The following PPP1R12A variants were observed in gnomAD, a reference collection of about 807,000 sequenced individuals.
PPP1R12A encodes the protein myosin binding subunit.
In PPP1R12A, 19 loss-of-function variants were observed where a neutral mutation model predicts 139.6. The ratio of observed to expected loss-of-function variants is 0.14; its 90% CI spans 0.09 to 0.20. The LOEUF (loss-of-function observed/expected upper bound fraction) is 0.20, where lower values mean the gene tolerates loss of function less well. Ranked by LOEUF, PPP1R12A falls within the 10% of genes least tolerant of loss-of-function variation. PPP1R12A has a pLI of 1.00. For synonymous variants in PPP1R12A, 427 were observed against 420.6 expected, an observed-to-expected ratio of 1.02 and a Z score of -0.19; for missense variants, 925 against 1,211.5, an observed-to-expected ratio of 0.76 and a Z score of 3.51.
At chr12:79,887,415 A>G (rs1366587521) in intron 1 of PPP1R12A, among the ~76,000 whole-genome samples, 2 of 152,156 alleles carry the variant, frequency 1.3e-5, no homozygotes, top group African/African-American at 4.8e-5. Context: ...AAAATAAACA[A>G]TCTTGTCCAC....
chr12:79,911,996 A>G (rs191617392), intron 1 of PPP1R12A, among the ~76,000 whole-genome samples: 19 of 152,258 alleles, frequency 1.2e-4, no homozygotes, highest in Non-Finnish European at 2.5e-4. Flanking sequence ...ACCTATCTCT[A>G]TACTGTTTGC....
At chr12:79,825,892 A>C (rs1876699424) in intron 5 of PPP1R12A, among the ~76,000 whole-genome samples, 1 of 152,058 alleles carries the variant, frequency 6.6e-6, no homozygotes, top group Non-Finnish European at 1.5e-5. Context: ...AAAGTTATGA[A>C]ATTAAAATTT....
At chr12:79,881,395 G>C (rs1258089366) in intron 1 of PPP1R12A, among the ~76,000 whole-genome samples, 1 of 152,162 alleles carries the variant, frequency 6.6e-6, no homozygotes, top group Non-Finnish European at 1.5e-5. Context: ...TGCAGACATG[G>C]AGAAAGTGTT....
chr12:79,826,016 C>G (rs959005033), intron 5 of PPP1R12A, among the ~76,000 whole-genome samples: 1 of 151,616 alleles, frequency 6.6e-6, no homozygotes, highest in Non-Finnish European at 1.5e-5. Context: ...TAGCTCCTCA[C>G]TATAAAAAGC....
upstream of PPP1R12A, chr12:79,935,309 A>G (rs1042758206): frequency 3.8e-6 from 4 of 1,048,378 alleles, no homozygotes; most frequent in Non-Finnish European, 4.6e-6. Context: ...CTGGGCCACC[A>G]GAGGGAAGCG....
At chr12:79,814,501 G>GA (rs1875042198) in intron 9 of PPP1R12A, among the ~76,000 whole-genome samples, 1 of 62,758 alleles carries the variant, frequency 1.6e-5, no homozygotes, top group Non-Finnish European at 2.5e-5. Flanking sequence ...AAAAAAAAAA[G>GA]GACTCCCCCT....
At chr12:79,870,664 C>A (rs549989194) in intron 2 of PPP1R12A, among the ~76,000 whole-genome samples, 2 of 152,090 alleles carry the variant, frequency 1.3e-5, no homozygotes, top group Non-Finnish European at 2.9e-5. Context: ...TCAACCTTGG[C>A]CAAAAAAGGT....
chr12:79,882,338 G>C (rs577330882), intron 1 of PPP1R12A, among the ~76,000 whole-genome samples: 9 of 152,202 alleles, frequency 5.9e-5, no homozygotes, highest in Non-Finnish European at 1.0e-4. Context: ...ATTAATGGGA[G>C]TTTGAAAGTT....
chr12:79,773,986 C>T lies in PPP1R12A; in HGVS notation c.*1943G>A, dbSNP rs1869492119. The T allele has an allele frequency of 2.0e-5, 3 of 152,050 alleles. No individual in the cohort carries two copies. Among genetic ancestry groups the T allele is most frequent in the Admixed American group, 6.6e-5 (1 of 15,262 alleles). The allele number at this position is 152,050 out of a possible 1,614,324, so 9.4% of individuals were successfully genotyped here. A position where few individuals can be genotyped will look rare whatever the true frequency, so the allele number is the denominator to read the frequency against. On this transcript the variant is annotated 3_prime_UTR_variant, in exon 25 of 25. Transcript: ENST00000450142. Reference sequence around the variant, plus strand: ...AGTTTTAGATACAAAGAATAAATAACCTAAATACAAAACACTAAAATATTA... The same window carrying T: ...AGTTTTAGATACAAAGAATAAATAATCTAAATACAAAACACTAAAATATTA...
At chr12:79,828,128 C>G in intron 5 of PPP1R12A, 192 bp downstream of exon 5, 1 of 415,648 alleles carries the variant, frequency 2.4e-6, no homozygotes, top group Admixed American at 4.1e-5. Flanking sequence ...CCAGAACCAC[C>G]TCATACGGTA....
At chr12:79,909,934 C>T (rs548561816) in intron 1 of PPP1R12A, among the ~76,000 whole-genome samples, 5 of 151,722 alleles carry the variant, frequency 3.3e-5, no homozygotes, top group South Asian at 2.1e-4. Context: ...TCCTGACCTC[C>T]GGTGATCCGC....
Position 79,808,593 on chromosome 12 carries a change from A to G in PPP1R12A, c.1456-16T>C. On this transcript the variant is annotated splice_polypyrimidine_tract_variant and intron_variant, in intron 10 of 24. Transcript: ENST00000450142. ...TATCTTTCTCCTACACAACAGGGAAAAAAATAAGTAAAAATTAATTTGGGT... is the reference window on the plus strand; with the variant it reads ...TATCTTTCTCCTACACAACAGGGAAGAAAATAAGTAAAAATTAATTTGGGT... 2 of 1,456,850 alleles carry G rather than the reference A, an allele frequency of 1.4e-6. No homozygotes were observed. The highest frequency in any genetic ancestry group is 1.9e-6 in the Non-Finnish European group (2 of 1,044,918). The allele number at this position is 1,456,850 out of a possible 1,614,324, so 90.2% of individuals were successfully genotyped here.
intron 2 of PPP1R12A, among the ~76,000 whole-genome samples, chr12:79,845,765 G>A (rs1410945629): frequency 1.3e-5 from 2 of 152,086 alleles, no homozygotes; most frequent in Non-Finnish European, 2.9e-5. Context: ...GAACCCGGGA[G>A]GTGGAGCTTG....
chr12:79,911,350 A>G (rs1886545458), intron 1 of PPP1R12A, among the ~76,000 whole-genome samples: 1 of 152,192 alleles, frequency 6.6e-6, no homozygotes, highest in African/African-American at 2.4e-5. Flanking sequence ...ACACAGGAAC[A>G]GCAAACCAAA....
At chr12:79,829,117 A>G (rs188463210) in intron 4 of PPP1R12A, among the ~76,000 whole-genome samples, 13 of 152,306 alleles carry the variant, frequency 8.5e-5, no homozygotes, top group Admixed American at 8.5e-4. Flanking sequence ...ATACAATGCA[A>G]AGAGTTGCAT....
chr12:79,801,772 A>T (rs1873212601), intron 14 of PPP1R12A, among the ~76,000 whole-genome samples: 1 of 152,178 alleles, frequency 6.6e-6, no homozygotes, highest in African/African-American at 2.4e-5. Context: ...TAGTTGCCTC[A>T]ATTTCATCAA....
chr12:79,915,899 G>A (rs1886953367), intron 1 of PPP1R12A, among the ~76,000 whole-genome samples: 1 of 151,950 alleles, frequency 6.6e-6, no homozygotes, highest in African/African-American at 2.4e-5. Flanking sequence ...CATGTTAACC[G>A]TAAAGACATA....
At chr12:79,849,520 G>A (rs1387648831) in intron 2 of PPP1R12A, among the ~76,000 whole-genome samples, 1 of 152,142 alleles carries the variant, frequency 6.6e-6, no homozygotes, top group African/African-American at 2.4e-5. Context: ...ATTTCCTTCA[G>A]AACAAAAGCT....
chr12:79,775,025 T>G lies in PPP1R12A; in HGVS notation c.*904A>C, dbSNP rs1367642364. ...TATCATGGAGTAGCCTACTCTGCAT[T>G]AGCAGACATTTGAAATAAGAAATAG... On this transcript the variant is annotated 3_prime_UTR_variant, in exon 25 of 25. Transcript: ENST00000450142. 1.3e-5 allele frequency: 2 copies of G among 152,548 alleles called. No individual in the cohort carries two copies. The highest frequency in any genetic ancestry group is 4.8e-5 in the African/African-American group (2 of 41,460). The allele number at this position is 152,548 out of a possible 1,614,324, so 9.4% of individuals were successfully genotyped here. A position where few individuals can be genotyped will look rare whatever the true frequency, so the allele number is the denominator to read the frequency against.
Sources: allele counts gnomAD v4.1 joint callset (sites outside exome capture counted in the v4.1 genomes callset), GRCh38; gene constraint gnomAD v4.1.1; transcripts MANE v1.5; gene names NCBI Gene and HGNC (gene_info 2026-07-23, HGNC 2026-07-21).